CTCFL: variants seen among roughly 807,000 people sequenced by gnomAD.
CTCFL encodes CCCTC-binding factor like.
CTCFL carries 36 observed loss-of-function variants against 67.4 expected under a neutral mutation model. The ratio of observed to expected loss-of-function variants is 0.53; its 90% CI spans 0.41 to 0.71. CTCFL has a LOEUF of 0.71. Among genes scored for constraint, CTCFL ranks in the 30% least tolerant of loss-of-function variants. CTCFL has a pLI of 0.00. For missense variants in CTCFL, 786 were observed against 835.2 expected (o/e 0.94, Z 0.73); for synonymous variants, 324 against 302.3 (o/e 1.07, Z -0.75).
chr20:57,499,699 G>C (rs1032638685), intron 10 of CTCFL: 6 of 186,796 alleles, frequency 3.2e-5, no homozygotes, highest in African/African-American at 1.4e-4. Flanking sequence ...GGGGTGATGG[G>C]AGACAGTGAC....
intron 9 of CTCFL, chr20:57,507,969 G>T: frequency 1.6e-6 from 1 of 643,752 alleles, no homozygotes; most frequent in Non-Finnish European, 2.8e-6. Context: ...TAGAGACAGG[G>T]TCTCACTCTG....
At chr20:57,496,204 G>C, downstream of CTCFL, 1 of 562,628 alleles carries the variant, frequency 1.8e-6, no homozygotes, top group South Asian at 2.3e-5. Flanking sequence ...CAAGGAATCT[G>C]GTCGTTCAGA....
At chr20:57,510,464 A>C (rs2068477176) in intron 8 of CTCFL, among the ~76,000 whole-genome samples, 1 of 152,262 alleles carries the variant, frequency 6.6e-6, no homozygotes, top group South Asian at 2.1e-4. Context: ...TTTCCAGTTA[A>C]AATACAGGCT....
intron 1 of CTCFL, 187 bp from the exon 2 acceptor site, chr20:57,524,403 G>T (rs1003940446): frequency 7.0e-7 from 1 of 1,424,022 alleles, no homozygotes; most frequent in African/African-American, 1.4e-5. Context: ...TCAAGGCTAA[G>T]CAGGATTTAG....
In CTCFL at chr20:57,524,703, G is replaced by A. The variant is rs980605020; in HGVS notation, c.-12+325C>T. 1.8e-5 allele frequency: 18 copies of A among 997,204 alleles called. No individual in the cohort carries two copies. In the East Asian group the frequency reaches 2.0e-3, roughly 109 times the overall value. 61.8% of individuals were successfully genotyped at this position (997,204 alleles called of 1,614,324 possible). A position where few individuals can be genotyped will look rare whatever the true frequency, so the allele number is the denominator to read the frequency against. ...CACACCCGGCGCCCAGCGAGGTTCG[G>A]GCCCGAGCAGGCATTCCCCTCGTGC... On this transcript the variant is annotated intron_variant, in intron 1 of 10. Coordinates refer to ENST00000243914, the MANE Select transcript of CTCFL (RefSeq NM_001386993.1).
rs1164933728 is a variant in CTCFL at position 57,523,663 on chromosome 20, C to T, written c.543G>A (p.Lys181=). ...GGTTGTTTATTAAAACCAGCTGTAC[C>T]TTGATCAGTCCAGTAGTTTCAGCCA... ...VSLAETTGLI[K]LEEEQEKNQL... The change falls in exon 2 of 11, where the codon AAG becomes AAA. Residue 181 remains lysine (K), a splice_region_variant and synonymous_variant. Transcript: ENST00000243914. 1.9e-6 allele frequency: 3 copies of T among 1,612,130 alleles called. No homozygotes were observed. The African/African-American group carries it at 4.0e-5, about 22-fold the overall frequency.
At position 57,504,078 on chromosome 20, in the gene CTCFL, GTC is replaced by G. The variant is rs2068058089; in HGVS notation, c.1675-479_1675-478del. 2.6e-5 allele frequency among the ~76,000 whole-genome samples: 4 copies of G among 151,990 alleles called. No homozygotes were observed. The South Asian group carries it at 8.3e-4, about 32-fold the overall frequency. On this transcript the variant is annotated intron_variant, in intron 9 of 10. Coordinates refer to ENST00000243914, the MANE Select transcript of CTCFL (RefSeq NM_001386993.1). The stretch of plus-strand genomic sequence containing the variant: ...TGCAAGCTCCGCCTCCTGGGTTCAC[GTC>G]ATTCTCCTGCCTCAGCCTCCCAAGT...
At chr20:57,518,703 G>T in intron 5 of CTCFL, 55 bp downstream of exon 5, 1 of 1,613,610 alleles carries the variant, frequency 6.2e-7, no homozygotes, top group Non-Finnish European at 8.5e-7. Flanking sequence ...GGAGTAACTT[G>T]TACAGCAGCC....
At chr20:57,519,177 C>G (rs1209721059) in intron 4 of CTCFL, 30 bp downstream of exon 4, 4 of 1,608,270 alleles carry the variant, frequency 2.5e-6, no homozygotes, top group Non-Finnish European at 3.4e-6. Context: ...ACACATCATT[C>G]CAGAGAAACA....
At position 57,503,549 on chromosome 20, in the gene CTCFL, G is replaced by A. The variant is rs2068025473; in HGVS notation, c.1727C>T (p.Ala576Val). Reference sequence around the variant, plus strand: ...TGTTCTTCTTCCCTTTCCTGAAGCAGCCGACTTTGCTTCCCCTGATCCACA... The same window carrying A: ...TGTTCTTCTTCCCTTTCCTGAAGCAACCGACTTTGCTTCCCCTGATCCACA... ...EKCGSGEAKS[A>V]ASGKGRRTRK... Residue 576 changes from alanine to valine, a missense_variant, in exon 10 of 11, where the codon GCT becomes GTT. Coordinates refer to ENST00000243914, the MANE Select transcript of CTCFL (RefSeq NM_001386993.1). The A allele has an allele frequency of 6.2e-7, 1 of 1,614,062 alleles. No individual in the cohort carries two copies. Among genetic ancestry groups the A allele is most frequent in the African/African-American group, 1.3e-5 (1 of 74,980 alleles).
chr20:57,498,527 T>C lies in CTCFL; in HGVS notation c.*23A>G, dbSNP rs201521015. On this transcript the variant is annotated 3_prime_UTR_variant, in exon 11 of 11. Transcript: ENST00000243914. ...AACTTGCTTTAGGAATTGGGGGCAG[T>C]GAACACGCAACCCGAATCCCTCTCA... 6.2e-7 allele frequency: 1 copy of C among 1,602,652 alleles called. No homozygotes were observed.
intron 9 of CTCFL, among the ~76,000 whole-genome samples, chr20:57,505,536 G>A (rs1049337595): frequency 1.1e-4 from 16 of 152,090 alleles, no homozygotes; most frequent in Admixed American, 2.0e-4. Context: ...GATTACAGGC[G>A]TGAGCCACCG....
At chr20:57,504,184 G>A (rs1300408882) in intron 9 of CTCFL, among the ~76,000 whole-genome samples, 3 of 151,792 alleles carry the variant, frequency 2.0e-5, no homozygotes, top group South Asian at 2.1e-4. Context: ...CACCGTGTTA[G>A]CCAGGATGGT....
intron 9 of CTCFL, 119 bp from the exon 10 acceptor site, chr20:57,503,720 C>A (rs1256957843): frequency 1.0e-6 from 1 of 969,464 alleles, no homozygotes; most frequent in Non-Finnish European, 1.5e-6. Flanking sequence ...CTTTCGAGGG[C>A]AATTCCACAC....
chr20:57,525,289 C>T (rs1330006834), upstream of CTCFL: 1 of 110,624 alleles, frequency 9.0e-6, no homozygotes, highest in Admixed American at 9.5e-5. Flanking sequence ...GAGGAGGACC[C>T]CAGAGGGGGC....
At chr20:57,505,531 C>T (rs1489676982) in intron 9 of CTCFL, among the ~76,000 whole-genome samples, 1 of 152,222 alleles carries the variant, frequency 6.6e-6, no homozygotes, top group Admixed American at 6.5e-5. Context: ...GCTGGGATTA[C>T]AGGCGTGAGC....
In CTCFL at chr20:57,518,896, A is replaced by G. The variant is rs776430323; in HGVS notation, c.926-5T>C. ...TACACTTGTAGGGCCTGGTTCCTGT[A>G]AAATCACATAGTTCATACTTTCAAA... On this transcript the variant is annotated splice_polypyrimidine_tract_variant and splice_region_variant and intron_variant, in intron 4 of 10. Coordinates refer to ENST00000243914, the MANE Select transcript of CTCFL (RefSeq NM_001386993.1). 1 of 1,609,656 alleles carries G rather than the reference A, an allele frequency of 6.2e-7. No individual in the cohort carries two copies. Among genetic ancestry groups the G allele is most frequent in the South Asian group, 1.1e-5 (1 of 90,644 alleles).
At position 57,498,050 on chromosome 20, in the gene CTCFL, T is replaced by C. The variant is rs943450501; in HGVS notation, c.*500A>G. The C allele has an allele frequency of 7.8e-6, 7 of 896,896 alleles. No homozygotes were observed. The highest frequency in any genetic ancestry group is 9.3e-6 in the Non-Finnish European group (7 of 749,554). The allele number at this position is 896,896 out of a possible 1,614,324, so 55.6% of individuals were successfully genotyped here. On this transcript the variant is annotated 3_prime_UTR_variant, in exon 11 of 11. Coordinates refer to ENST00000243914, the MANE Select transcript of CTCFL (RefSeq NM_001386993.1). ...AGAAAATTCATTTGTATAAAAACATTTGTCTTTAATGTTTAAAACCATATA... is the reference window on the plus strand; with the variant it reads ...AGAAAATTCATTTGTATAAAAACATCTGTCTTTAATGTTTAAAACCATATA...
intron 1 of CTCFL, 142 bp downstream of exon 1, chr20:57,524,886 C>T (rs1244716451): frequency 4.6e-5 from 19 of 410,430 alleles, no homozygotes; most frequent in Non-Finnish European, 6.2e-5. Context: ...CGCCCCGCCC[C>T]GACCCGACCC....
Sources: allele counts gnomAD v4.1 joint callset (sites outside exome capture counted in the v4.1 genomes callset), GRCh38; gene constraint gnomAD v4.1.1; transcripts MANE v1.5; gene names NCBI Gene and HGNC (gene_info 2026-07-23, HGNC 2026-07-21).